RAD52: variants seen among roughly 807,000 people sequenced by gnomAD.
RAD52 encodes the protein DNA repair protein RAD52 homolog.
Under a neutral mutation model 55.5 loss-of-function variants are expected in RAD52, and 47 were observed. The ratio of observed to expected loss-of-function variants is 0.85; its 90% CI spans 0.67 to 1.08. The LOEUF (loss-of-function observed/expected upper bound fraction) is 1.08. Among genes scored for constraint, RAD52 ranks in the 50% least tolerant of loss-of-function variants. The probability of loss-of-function intolerance (pLI) is 0.00; values close to 1 mark genes in which losing one functional copy is unlikely to be tolerated. For synonymous variants in RAD52, 184 were observed against 198.9 expected (o/e 0.92, Z 0.63); for missense variants, 468 against 522.8 (o/e 0.90, Z 1.02).
intron 1 of RAD52, among the ~76,000 whole-genome samples, chr12:933,497 G>C (rs1253293102): frequency 6.6e-6 from 1 of 150,568 alleles, no homozygotes; most frequent in Non-Finnish European, 1.5e-5. Flanking sequence ...AATACCCTAA[G>C]AGTTATTTAT....
intron 1 of RAD52, among the ~76,000 whole-genome samples, chr12:959,812 T>C (rs189736276): frequency 1.3e-5 from 2 of 151,664 alleles, no homozygotes; most frequent in Non-Finnish European, 2.9e-5. Flanking sequence ...CTAGTTAGGG[T>C]TGGTTGCTGG....
chr12:953,021 A>AGGGAGGGGGT (rs1958556819), upstream of RAD52, among the ~76,000 whole-genome samples: 1 of 8,246 alleles, frequency 1.2e-4, no homozygotes, highest in East Asian at 3.8e-3. Context: ...GAGGGAGGGA[A>AGGGAGGGGGT]GGGAGACGCC....
chr12:990,184 A>T (rs1236586726), upstream of RAD52: 2 of 152,210 alleles, frequency 1.3e-5, no homozygotes, highest in Non-Finnish European at 2.9e-5. Flanking sequence ...GGCGGAGGTA[A>T]GCAGGAGTAA....
rs368735934 is a variant in RAD52 at position 913,102 on chromosome 12, T to A, written c.*289A>T. On this transcript the variant is annotated 3_prime_UTR_variant, in exon 12 of 12. Coordinates refer to ENST00000358495, the MANE Select transcript of RAD52 (RefSeq NM_134424.4). The stretch of plus-strand genomic sequence containing the variant: ...TTGGTGATTCCTAAAATGTCCATCT[T>A]CATTAACATAATAGTTCAGTAATAA... 2 of 329,096 alleles carry A rather than the reference T, an allele frequency of 6.1e-6. No homozygotes were observed. The highest frequency in any genetic ancestry group is 1.1e-5 in the Non-Finnish European group (2 of 181,760). The allele number at this position is 329,096 out of a possible 1,614,324, so 20.4% of individuals were successfully genotyped here. A position where few individuals can be genotyped will look rare whatever the true frequency, so the allele number is the denominator to read the frequency against.
intron 1 of RAD52, among the ~76,000 whole-genome samples, chr12:986,211 G>C (rs763768822): frequency 6.6e-5 from 10 of 152,106 alleles, no homozygotes; most frequent in Non-Finnish European, 1.2e-4. Flanking sequence ...TGGGATTACA[G>C]GTGTGAGCCG....
chr12:964,356 T>G (rs1958728590), intron 1 of RAD52, among the ~76,000 whole-genome samples: 2 of 152,092 alleles, frequency 1.3e-5, no homozygotes, highest in African/African-American at 4.8e-5. Context: ...TCACCTGAGG[T>G]CAGGAGTTTG....
chr12:943,502 C>A (rs1206123354), intron 1 of RAD52, among the ~76,000 whole-genome samples: 1 of 152,132 alleles, frequency 6.6e-6, no homozygotes, highest in African/African-American at 2.4e-5. Flanking sequence ...GCCATCACGC[C>A]CAGCTAATTC....
chr12:929,529 T>C lies in RAD52; in HGVS notation c.348+290A>G, dbSNP rs1285423188. ...TATCAGTGATGGTAAAATTATTGTA[T>C]TTTAAAATGTCAGATTTTACCATAT... On this transcript the variant is annotated intron_variant, in intron 5 of 11. Transcript: ENST00000358495. The C allele has an allele frequency of 5.1e-6, 3 of 587,434 alleles. No individual in the cohort carries two copies. In the African/African-American group the frequency reaches 5.5e-5, roughly 11 times the overall value. 36.4% of individuals were successfully genotyped at this position (587,434 alleles called of 1,614,324 possible). A position where few individuals can be genotyped will look rare whatever the true frequency, so the allele number is the denominator to read the frequency against.
chr12:980,501 C>T (rs1958999617), intron 1 of RAD52, among the ~76,000 whole-genome samples: 1 of 151,718 alleles, frequency 6.6e-6, no homozygotes, highest in African/African-American at 2.4e-5. Flanking sequence ...ACCATGTTGG[C>T]CAGGCTGGTC....
chr12:983,093 G>A (rs936179950), intron 1 of RAD52, among the ~76,000 whole-genome samples: 4 of 151,628 alleles, frequency 2.6e-5, no homozygotes, highest in African/African-American at 7.3e-5. Flanking sequence ...CAAGTGATCC[G>A]CCCGCCTCAG....
chr12:935,683 G>A (rs865789269), intron 1 of RAD52, among the ~76,000 whole-genome samples: 32 of 149,946 alleles, frequency 2.1e-4, no homozygotes, highest in Non-Finnish European at 1.0e-4. Context: ...GAAAAACCCC[G>A]TCTCTACTAA....
At chr12:947,076 C>G (rs181783722) in intron 1 of RAD52, among the ~76,000 whole-genome samples, 2 of 152,224 alleles carry the variant, frequency 1.3e-5, no homozygotes, top group African/African-American at 4.8e-5. Flanking sequence ...CCTGTAATCC[C>G]AACACTTTGG....
intron 1 of RAD52, among the ~76,000 whole-genome samples, chr12:988,240 G>T (rs975893019): frequency 3.3e-5 from 5 of 152,120 alleles, no homozygotes; most frequent in Non-Finnish European, 7.3e-5. Context: ...TATTTTAATT[G>T]AATTTATAAT....
intron 5 of RAD52, 128 bp from the exon 6 acceptor site, chr12:927,391 G>A: frequency 2.8e-6 from 2 of 715,892 alleles, no homozygotes; most frequent in South Asian, 1.6e-5. Context: ...AGGGGCACGG[G>A]CAGAAGGCTG....
intron 1 of RAD52, among the ~76,000 whole-genome samples, chr12:955,278 G>A (rs1958588790): frequency 6.6e-6 from 1 of 152,070 alleles, no homozygotes; most frequent in East Asian, 1.9e-4. Context: ...AGAATGCAAG[G>A]GCAAGAAATT....
Position 967,030 on chromosome 12 carries a change from A to AT in RAD52, c.-19+22778dup, listed in dbSNP as rs375961315. Among the ~76,000 whole-genome samples, 728 of 152,150 alleles carry AT rather than the reference A, an allele frequency of 4.8e-3. 14 individuals carry two copies. Among genetic ancestry groups the AT allele is most frequent in the African/African-American group, 0.017 (693 of 41,422 alleles). On this transcript the variant is annotated intron_variant, in intron 1 of 11. Coordinates refer to the RAD52 transcript ENST00000430095. The stretch of plus-strand genomic sequence containing the variant: ...GTTCACTTCCTGCTTGGTGCAAATT[A>AT]TAAATGAAGTATCTATTTAATTTTA...
In RAD52 at chr12:981,805, T is replaced by TAAAATAAAATAAAATA. The variant is rs1168317754; in HGVS notation, c.-19+8003_-19+8004insTATTTTATTTTATTTT. ...TAAAATAAAATAAAATAAAATAAAA[T>TAAAATAAAATAAAATA]AAAACCTAGCAAGGCAAATTCTGTT... On this transcript the variant is annotated intron_variant, in intron 1 of 11. Transcript: ENST00000430095. 2.0e-5 allele frequency among the ~76,000 whole-genome samples: 3 copies of TAAAATAAAATAAAATA among 151,926 alleles called. No homozygotes were observed. The East Asian group carries it at 5.8e-4, about 29-fold the overall frequency.
At chr12:962,900 A>C (rs1212039353) in intron 1 of RAD52, among the ~76,000 whole-genome samples, 1 of 151,950 alleles carries the variant, frequency 6.6e-6, no homozygotes, top group Non-Finnish European at 1.5e-5. Flanking sequence ...TCACTTTTAC[A>C]TTTTAACTCT....
rs1464967906 is a variant in RAD52 at position 933,140 on chromosome 12, A to G, written c.-18-64T>C. The G allele has an allele frequency of 5.1e-6, 6 of 1,175,228 alleles. No individual in the cohort carries two copies. The East Asian group carries it at 9.4e-5, about 18-fold the overall frequency. The allele number at this position is 1,175,228 out of a possible 1,614,324, so 72.8% of individuals were successfully genotyped here. A position where few individuals can be genotyped will look rare whatever the true frequency, so the allele number is the denominator to read the frequency against. On this transcript the variant is annotated intron_variant, in intron 1 of 11. Coordinates refer to ENST00000358495, the MANE Select transcript of RAD52 (RefSeq NM_134424.4). ...AAGAATGTTTAAAGTAAAAGGCAAGAGCCTCTACTGAAAAATCACATAAAG... is the reference window on the plus strand; with the variant it reads ...AAGAATGTTTAAAGTAAAAGGCAAGGGCCTCTACTGAAAAATCACATAAAG...
Sources: gnomAD v4.1 joint callset for allele counts (sites outside exome capture counted in the v4.1 genomes callset) on GRCh38, gnomAD v4.1.1 for gene constraint, MANE v1.5 for transcripts, NCBI Gene and HGNC (gene_info 2026-07-23, HGNC 2026-07-21) for gene names.